The following DNAH10 variants were observed in gnomAD, a reference collection of about 807,000 sequenced individuals.
DNAH10 encodes axonemal beta dynein heavy chain 10.
In DNAH10, 348 loss-of-function variants were observed where a neutral mutation model predicts 506.6. The observed-to-expected ratio is 0.69, with a 90% CI of 0.63 to 0.75. DNAH10 has a LOEUF of 0.75. Ranked by LOEUF, DNAH10 falls within the 30% of genes least tolerant of loss-of-function variation. The pLI, the probability that DNAH10 is intolerant of heterozygous loss-of-function variation, is 0.00. For missense variants in DNAH10, 5,179 were observed against 5,787.1 expected (o/e 0.89, Z 3.41); for synonymous variants, 2,059 against 2,198.6 (o/e 0.94, Z 1.78).
intron 29 of DNAH10, among the ~76,000 whole-genome samples, chr12:123,840,097 G>A (rs565798027): frequency 2.0e-5 from 3 of 151,936 alleles, no homozygotes; most frequent in African/African-American, 4.8e-5. Context: ...AGGACATTAC[G>A]TAGCATCCCT....
intron 56 of DNAH10, among the ~76,000 whole-genome samples, chr12:123,901,628 G>A (rs1366955204): frequency 1.3e-5 from 2 of 152,230 alleles, no homozygotes; most frequent in Non-Finnish European, 2.9e-5. Flanking sequence ...TCTGGGGGCT[G>A]AAAACAACAG....
In DNAH10 at chr12:123,771,644, A is replaced by C; in HGVS notation, c.342A>C (p.Leu114=). The C allele has an allele frequency of 6.2e-7, 1 of 1,613,686 alleles. No individual in the cohort carries two copies. Among genetic ancestry groups the C allele is most frequent in the Non-Finnish European group, 8.5e-7 (1 of 1,179,784 alleles). The stretch of plus-strand genomic sequence containing the variant: ...GAACCGAATCTCTAGGCCAACCTCT[A>C]AACAGAGAGGATGAAGAAATGGACA... ...SLRTESLGQP[L]NREDEEMDKE... The change falls in exon 3 of 79, where the codon CTA becomes CTC. Residue 114 remains leucine, a synonymous_variant. Coordinates refer to ENST00000673944, the MANE Select transcript of DNAH10 (RefSeq NM_001372106.1).
chr12:123,870,572 C>T, intron 44 of DNAH10, 87 bp downstream of exon 44: 1 of 1,504,572 alleles, frequency 6.6e-7, no homozygotes, highest in Non-Finnish European at 8.9e-7. Flanking sequence ...CATGGCTTCT[C>T]TGGTACTCTA....
At chr12:123,841,691 T>C (rs1365449637) in intron 30 of DNAH10, 146 bp downstream of exon 30, 8 of 721,494 alleles carry the variant, frequency 1.1e-5, no homozygotes, top group Non-Finnish European at 1.8e-5. Context: ...ATAGATGTCT[T>C]TATTTTTATT....
chr12:123,881,283 C>T (rs1209435241), intron 50 of DNAH10, among the ~76,000 whole-genome samples: 1 of 152,098 alleles, frequency 6.6e-6, no homozygotes, highest in Non-Finnish European at 1.5e-5. Context: ...TAAAACTGTT[C>T]CTATTTCTCC....
At position 123,845,953 on chromosome 12, in the gene DNAH10, A is replaced by G. The variant is rs2136661932; in HGVS notation, c.5631-18A>G. 6.2e-7 allele frequency: 1 copy of G among 1,613,300 alleles called. No individual in the cohort carries two copies. Among genetic ancestry groups the G allele is most frequent in the South Asian group, 1.1e-5 (1 of 91,034 alleles). ...TGTCTCAACGGTTTCCACTTCCTCC[A>G]CCTTTCTTGCCGTCCAGTATCCTGG... On this transcript the variant is annotated intron_variant, in intron 31 of 78. Transcript: ENST00000673944.
chr12:123,931,344 C>A lies in DNAH10; in HGVS notation c.12788C>A (p.Ala4263Asp). Residue 4263 changes from alanine to aspartate, a missense_variant, in exon 74 of 79, where the codon GCC becomes GAC. Around this residue, in one of 3 missense-constraint regions of DNAH10, gnomAD observed 4,844 missense variants for 5,430.5 expected, o/e 0.89. Coordinates refer to ENST00000673944, the MANE Select transcript of DNAH10 (RefSeq NM_001372106.1). ...VGDEKEKFVE[A>D]IEALPLANTP... ...CCGTTGTTCTCTGTGATTGCAGAAG[C>A]CATCGAGGCCCTCCCGCTTGCCAAC... 6.2e-7 allele frequency: 1 copy of A among 1,613,496 alleles called. No homozygotes were observed.
At chr12:123,934,977 C>T in intron 78 of DNAH10, 2 of 658,428 alleles carry the variant, frequency 3.0e-6, no homozygotes, top group Non-Finnish European at 5.1e-6. Context: ...CCGGTCCTTC[C>T]AGAGGTGTCA....
rs756484515 is a variant in DNAH10, at chr12:123,931,371, C to T, written c.12815C>T (p.Thr4272Met). The T allele has an allele frequency of 3.2e-5, 51 of 1,613,784 alleles. 1 individual carries two copies. In the South Asian group the frequency reaches 3.2e-4, roughly 10 times the overall value. ...ATCGAGGCCCTCCCGCTTGCCAACACGCCAGAAGTGTTTGGTCTCCACCCC... is the reference window on the plus strand; with the variant it reads ...ATCGAGGCCCTCCCGCTTGCCAACATGCCAGAAGTGTTTGGTCTCCACCCC... Reference protein sequence around the residue: ...EAIEALPLANTPEVFGLHPNA... With the variant: ...EAIEALPLANMPEVFGLHPNA... Residue 4272 changes from threonine (T) to methionine (M), a missense_variant, in exon 74 of 79, where the codon ACG becomes ATG. By Grantham distance (81) the Thr-to-Met change is moderately conservative (BLOSUM62 -1). Coordinates refer to ENST00000673944, the MANE Select transcript of DNAH10 (RefSeq NM_001372106.1).
chr12:123,823,113 C>T (rs532593889), intron 24 of DNAH10, among the ~76,000 whole-genome samples: 2 of 152,344 alleles, frequency 1.3e-5, no homozygotes, highest in East Asian at 3.9e-4. Context: ...GGGAATGCTG[C>T]TGAGGAGGTG....
intron 26 of DNAH10, among the ~76,000 whole-genome samples, chr12:123,832,059 T>C (rs1960611119): frequency 6.6e-6 from 1 of 152,218 alleles, no homozygotes; most frequent in Non-Finnish European, 1.5e-5. Flanking sequence ...TATATGCATG[T>C]AGACACATAT....
At position 123,917,451 on chromosome 12, in the gene DNAH10, G is replaced by A. The variant is rs2137532236; in HGVS notation, c.11003-133G>A. 1 of 834,524 alleles carries A rather than the reference G, an allele frequency of 1.2e-6. No homozygotes were observed. The highest frequency in any genetic ancestry group is 2.7e-5 in the East Asian group (1 of 37,466). The allele number at this position is 834,524 out of a possible 1,614,324, so 51.7% of individuals were successfully genotyped here. ...ACCTTGCTGCTCTAGAGTGACTTTG[G>A]TGGGCAGTGAATCCTCGTGCCTCTG... On this transcript the variant is annotated intron_variant, in intron 63 of 78. Transcript: ENST00000673944. The surrounding 1 kb of genome is among the most constrained non-coding windows in gnomAD (Gnocchi z 5.6).
In DNAH10 at chr12:123,910,553, A is replaced by G; in HGVS notation, c.10015A>G (p.Asn3339Asp). Residue 3339 changes from asparagine (N) to aspartate (D), a missense_variant, in exon 59 of 79, where the codon AAT (asparagine) becomes GAT (aspartate). This residue lies in a region of DNAH10 where 4,844 missense variants were observed against 5,430.5 expected (regional missense o/e 0.89). Transcript: ENST00000673944. ...KNIKGLLKTL[N>D]TTTEEMEAVS... Reference sequence around the variant, plus strand: ...CACGTTAGGCCTCTTGAAGACTCTTAATACCACAACTGAAGAAATGGAAGC... The same window carrying G: ...CACGTTAGGCCTCTTGAAGACTCTTGATACCACAACTGAAGAAATGGAAGC... 6.2e-7 allele frequency: 1 copy of G among 1,613,682 alleles called. No homozygotes were observed. Among genetic ancestry groups the G allele is most frequent in the Non-Finnish European group, 8.5e-7 (1 of 1,179,828 alleles).
chr12:123,893,910 A>G (rs921255302), intron 53 of DNAH10, among the ~76,000 whole-genome samples: 2 of 152,120 alleles, frequency 1.3e-5, no homozygotes, highest in African/African-American at 4.8e-5. Context: ...CCTACAGTGC[A>G]CAGCCAGCTG....
chr12:123,850,876 C>T lies in DNAH10; in HGVS notation c.6103-12C>T, dbSNP rs750507056. ...CTAACTGCTTCTTTCTTTCTTCCTT[C>T]TTGCCCTCCAGTTTGAAGGGCAGGA... On this transcript the variant is annotated splice_polypyrimidine_tract_variant and intron_variant, in intron 34 of 78. Coordinates refer to ENST00000673944, the MANE Select transcript of DNAH10 (RefSeq NM_001372106.1). This position sits in a 1 kb window ranked among gnomAD's most constrained non-coding sequence, Gnocchi z 5.5. 8.2e-5 allele frequency: 131 copies of T among 1,600,116 alleles called. No individual in the cohort carries two copies. The highest frequency in any genetic ancestry group is 1.1e-4 in the Non-Finnish European group (126 of 1,170,950).
intron 24 of DNAH10, 82 bp downstream of exon 24, chr12:123,820,840 CACCAT>C (rs1594110366): frequency 6.8e-7 from 1 of 1,471,514 alleles, no homozygotes; most frequent in East Asian, 2.3e-5. Flanking sequence ...ACTTTGATGC[CACCAT>C]AATAATGAGC....
chr12:123,859,374 G>C (rs1319440834), intron 38 of DNAH10, 106 bp downstream of exon 38: 1 of 923,078 alleles, frequency 1.1e-6, no homozygotes, highest in African/African-American at 1.8e-5. Context: ...TTCCTGGGAG[G>C]GTAAATTTGT....
In DNAH10 at chr12:123,857,184, TG is replaced by T; in HGVS notation, c.6568del (p.Asp2190ThrfsTer6). On this transcript the variant is annotated frameshift_variant, in exon 37 of 79. Transcript: ENST00000673944. LOFTEE classifies it high-confidence loss of function. ...GLDCPRVRYPDFNDAVEQVLE... is the reference protein window; with the variant it reads ...GLDCPRVRYPXFNDAVEQVLE... ...TGGACTGCCCTCGCGTCCGCTACCCTGACTTCAACGATGCGGTAGAGCAGGT... is the reference window on the plus strand; with the variant it reads ...TGGACTGCCCTCGCGTCCGCTACCCTACTTCAACGATGCGGTAGAGCAGGT... 6.2e-7 allele frequency: 1 copy of T among 1,609,448 alleles called. No individual in the cohort carries two copies. Among genetic ancestry groups the T allele is most frequent in the Non-Finnish European group, 8.5e-7 (1 of 1,177,956 alleles).
Position 123,797,016 on chromosome 12 carries a change from A to G in DNAH10, c.2163+184A>G, listed in dbSNP as rs563972364. 2.0e-5 allele frequency among the ~76,000 whole-genome samples: 3 copies of G among 152,118 alleles called. No individual in the cohort carries two copies. The South Asian group carries it at 6.2e-4, about 32-fold the overall frequency. ...CTCCCAAGTAGCTGGGACTACAGGCATGTGCCACCACGTCCGGCTAATTTT... is the reference window on the plus strand; with the variant it reads ...CTCCCAAGTAGCTGGGACTACAGGCGTGTGCCACCACGTCCGGCTAATTTT... On this transcript the variant is annotated intron_variant, in intron 13 of 78. Transcript: ENST00000673944.
Sources: gnomAD v4.1 joint callset for allele counts (sites outside exome capture counted in the v4.1 genomes callset) on GRCh38, gnomAD v4.1.1 for gene constraint, gnomAD v4.1.1 regional missense constraint, Gnocchi (gnomAD v3.1) non-coding constraint, MANE v1.5 for transcripts, NCBI Gene and HGNC (gene_info 2026-07-23, HGNC 2026-07-21) for gene names.